Variants in SPATS2L observed in about 807,000 individuals in gnomAD.
The protein encoded by SPATS2L is SPATS2-like protein.
Under a neutral mutation model 59.6 loss-of-function variants are expected in SPATS2L, and 30 were observed. The observed-to-expected ratio is 0.50, with a 90% CI of 0.38 to 0.68. The LOEUF (loss-of-function observed/expected upper bound fraction) is 0.68, where lower values mean the gene tolerates loss of function less well. Among genes scored for constraint, SPATS2L ranks in the 30% least tolerant of loss-of-function variants. SPATS2L has a pLI of 0.00. For synonymous variants in SPATS2L, 252 were observed against 263.5 expected (o/e 0.96, Z 0.42); for missense variants, 615 against 700.0 (o/e 0.88, Z 1.37).
At chr2:200,458,457 G>A (rs866606384) in intron 8 of SPATS2L, among the ~76,000 whole-genome samples, 1 of 151,728 alleles carries the variant, frequency 6.6e-6, no homozygotes. Context: ...TTCCTCCTAA[G>A]AAAATAAAAC....
chr2:200,472,376 A>G (rs2087118391), intron 11 of SPATS2L, among the ~76,000 whole-genome samples: 1 of 152,212 alleles, frequency 6.6e-6, no homozygotes, highest in Non-Finnish European at 1.5e-5. Context: ...GAGTGTCCGC[A>G]TAGCTCCCAA....
intron 2 of SPATS2L, chr2:200,378,456 C>G (rs2081677626): frequency 3.2e-6 from 3 of 946,572 alleles, no homozygotes; most frequent in Non-Finnish European, 3.8e-6. Flanking sequence ...GGGGTACTCT[C>G]CAACTGGAAG....
At chr2:200,325,352 C>A (rs2079699258) in intron 1 of SPATS2L, among the ~76,000 whole-genome samples, 1 of 152,078 alleles carries the variant, frequency 6.6e-6, no homozygotes, top group African/African-American at 2.4e-5. Flanking sequence ...ACAGCTGAAT[C>A]CAAGATTCTT....
At chr2:200,360,914 TTCA>T (rs3841867) in intron 2 of SPATS2L, among the ~76,000 whole-genome samples, 36,813 of 146,548 alleles carry the variant, frequency 0.25, 8,519 homozygotes, top group African/African-American at 0.62. Flanking sequence ...CCCACCAGAG[TTCA>T]TCATCTGGTT....
chr2:200,419,024 C>A (rs1222001641), intron 5 of SPATS2L, among the ~76,000 whole-genome samples: 1 of 151,998 alleles, frequency 6.6e-6, no homozygotes, highest in Non-Finnish European at 1.5e-5. Flanking sequence ...TTTATTGGAA[C>A]CTTTTTTATT....
intron 9 of SPATS2L, chr2:200,461,452 T>A (rs2086235347): frequency 6.6e-6 from 1 of 152,190 alleles, no homozygotes; most frequent in Admixed American, 6.5e-5. Flanking sequence ...GCTCATGAGT[T>A]GGAAATTTCA....
At chr2:200,417,213 TCACAGG>T (rs1447674601) in intron 5 of SPATS2L, among the ~76,000 whole-genome samples, 1 of 152,188 alleles carries the variant, frequency 6.6e-6, no homozygotes, top group African/African-American at 2.4e-5. Context: ...TGGGGGAAGA[TCACAGG>T]CCTGCAAAAC....
At chr2:200,440,363 A>G (rs2289196) in intron 7 of SPATS2L, among the ~76,000 whole-genome samples, 70,388 of 152,020 alleles carry the variant, frequency 0.46, 16,423 homozygotes, top group East Asian at 0.58. Context: ...ATTCTAAGGC[A>G]CTGCAGTTTG....
At chr2:200,360,192 G>A (rs1483708564) in intron 2 of SPATS2L, among the ~76,000 whole-genome samples, 1 of 152,208 alleles carries the variant, frequency 6.6e-6, no homozygotes, top group Non-Finnish European at 1.5e-5. Context: ...TGGGGTTTTA[G>A]AAGGTCAGCT....
rs146895289 is a variant in SPATS2L, at chr2:200,451,449, G to A, written c.789-8320G>A. 2.3e-3 allele frequency among the ~76,000 whole-genome samples: 357 copies of A among 152,294 alleles called. 2 individuals carry two copies. The highest frequency in any genetic ancestry group is 8.3e-3 in the African/African-American group (345 of 41,552). Reference sequence around the variant, plus strand: ...TATACATGTGTACTACTGTTAATCTGTATACTAAAGATGAGGAAAGCCTAC... The same window carrying A: ...TATACATGTGTACTACTGTTAATCTATATACTAAAGATGAGGAAAGCCTAC... On this transcript the variant is annotated intron_variant, in intron 8 of 12. Coordinates refer to ENST00000409140, the MANE Select transcript of SPATS2L (RefSeq NM_001100423.2).
intron 1 of SPATS2L, among the ~76,000 whole-genome samples, chr2:200,319,664 T>C (rs2079499989): frequency 6.6e-6 from 1 of 151,992 alleles, no homozygotes; most frequent in Non-Finnish European, 1.5e-5. Context: ...ATTCACTCCC[T>C]TGATCAGGGC....
intron 2 of SPATS2L, among the ~76,000 whole-genome samples, chr2:200,368,380 G>T (rs2081326533): frequency 6.6e-6 from 1 of 152,142 alleles, no homozygotes; most frequent in South Asian, 2.1e-4. Flanking sequence ...AGTGATGAGA[G>T]ACTTAAGCTC....
intron 2 of SPATS2L, among the ~76,000 whole-genome samples, chr2:200,385,836 G>A (rs1199638484): frequency 6.6e-6 from 1 of 152,034 alleles, no homozygotes; most frequent in Non-Finnish European, 1.5e-5. Flanking sequence ...GGGACTACAG[G>A]CGCCCGCCAC....
intron 11 of SPATS2L, among the ~76,000 whole-genome samples, chr2:200,472,218 A>G (rs959357407): frequency 6.6e-6 from 1 of 152,220 alleles, no homozygotes; most frequent in Non-Finnish European, 1.5e-5. Context: ...GTGATGATGG[A>G]GCACTAATGA....
At chr2:200,458,982 T>G (rs2086051363) in intron 8 of SPATS2L, among the ~76,000 whole-genome samples, 1 of 152,196 alleles carries the variant, frequency 6.6e-6, no homozygotes, top group Non-Finnish European at 1.5e-5. Context: ...GCTCCCTGCC[T>G]TTTTGCTGAA....
chr2:200,379,751 G>A (rs1201518197), intron 2 of SPATS2L, among the ~76,000 whole-genome samples: 1 of 152,142 alleles, frequency 6.6e-6, no homozygotes, highest in Non-Finnish European at 1.5e-5. Flanking sequence ...CAGTATGCTT[G>A]GAGAGGGTGA....
At chr2:200,435,878 T>C (rs895150681) in intron 6 of SPATS2L, among the ~76,000 whole-genome samples, 1 of 152,174 alleles carries the variant, frequency 6.6e-6, no homozygotes, top group Non-Finnish European at 1.5e-5. Context: ...TTAAATTGGG[T>C]AATATATTTT....
intron 8 of SPATS2L, among the ~76,000 whole-genome samples, chr2:200,446,198 A>C (rs2085033434): frequency 6.6e-6 from 1 of 152,130 alleles, no homozygotes; most frequent in South Asian, 2.1e-4. Flanking sequence ...AGCTGGGCAT[A>C]GTGGTGTGTG....
chr2:200,367,152 G>A (rs2081290423), intron 2 of SPATS2L, among the ~76,000 whole-genome samples: 1 of 152,120 alleles, frequency 6.6e-6, no homozygotes, highest in South Asian at 2.1e-4. Flanking sequence ...TCTGTATTTC[G>A]TTAAACATTT....
Sources: allele counts gnomAD v4.1 joint callset (sites outside exome capture counted in the v4.1 genomes callset), GRCh38; gene constraint gnomAD v4.1.1; transcripts MANE v1.5; gene names NCBI Gene and HGNC (gene_info 2026-07-23, HGNC 2026-07-21).